The following RBFOX1 variants were observed in gnomAD, a reference collection of about 807,000 sequenced individuals.
RBFOX1 encodes RNA binding fox-1 homolog 1, also known as RNA binding protein fox-1 homolog 1.
In RBFOX1, 8 loss-of-function variants were observed where a neutral mutation model predicts 57.7. The observed-to-expected ratio is 0.14, with a 90% CI of 0.08 to 0.25. The LOEUF (loss-of-function observed/expected upper bound fraction) is 0.25, where lower values mean the gene tolerates loss of function less well. Among genes scored for constraint, RBFOX1 ranks in the 10% least tolerant of loss-of-function variants. The pLI is 1.00. For missense variants in RBFOX1, 611 were observed against 548.5 expected (o/e 1.11, Z -1.14); for synonymous variants, 326 against 222.4 (o/e 1.47, Z -4.15).
chr16:5,613,216 A>T (rs942070569), intron 3 of RBFOX1, among the ~76,000 whole-genome samples: 2 of 152,228 alleles, frequency 1.3e-5, no homozygotes, highest in Non-Finnish European at 2.9e-5. Context: ...TTCAGGCTTC[A>T]GAAGAACCTC....
At chr16:6,664,401 G>C (rs886125493) in intron 3 of RBFOX1, among the ~76,000 whole-genome samples, 1 of 152,128 alleles carries the variant, frequency 6.6e-6, no homozygotes, top group Non-Finnish European at 1.5e-5. Context: ...ACTATCTCTG[G>C]TCAAAGAAAT....
Position 6,591,049 on chromosome 16 carries a change from G to A in RBFOX1, c.-63-63554G>A, listed in dbSNP as rs75155245. On this transcript the variant is annotated intron_variant, in intron 2 of 15. Coordinates refer to ENST00000550418, the MANE Select transcript of RBFOX1 (RefSeq NM_018723.4). ...GCAAGATGTGGACAAGTATAATTGT[G>A]TGCTGGGCAGGATAGCTTATGTGTA... Among the ~76,000 whole-genome samples, 407 of 152,310 alleles carry A rather than the reference G, an allele frequency of 2.7e-3. 7 individuals are homozygous for A. The East Asian group carries it at 0.034, about 13-fold the overall frequency.
intron 1 of RBFOX1, among the ~76,000 whole-genome samples, chr16:6,205,094 C>G (rs902449073): frequency 6.6e-6 from 1 of 152,112 alleles, no homozygotes; most frequent in Admixed American, 6.5e-5. Flanking sequence ...AGCTCTGTCA[C>G]CAGGCCCTCT....
At chr16:7,563,635 T>C (rs1304366122) in intron 5 of RBFOX1, among the ~76,000 whole-genome samples, 1 of 152,054 alleles carries the variant, frequency 6.6e-6, no homozygotes, top group Non-Finnish European at 1.5e-5. Flanking sequence ...ACTTGGCTAA[T>C]TTTTTGTACT....
At chr16:6,000,223 T>G (rs774158480) in intron 4 of RBFOX1, among the ~76,000 whole-genome samples, 8 of 152,144 alleles carry the variant, frequency 5.3e-5, no homozygotes, top group South Asian at 4.1e-4. Context: ...CATGCCCCCC[T>G]GGTGCGATGC....
chr16:6,910,428 G>A (rs572779031), intron 3 of RBFOX1, among the ~76,000 whole-genome samples: 2 of 152,246 alleles, frequency 1.3e-5, no homozygotes, highest in Non-Finnish European at 2.9e-5. Context: ...CTGTCCCCAG[G>A]TTCAATGCTG....
At chr16:6,352,816 C>T (rs905039737) in intron 2 of RBFOX1, among the ~76,000 whole-genome samples, 3 of 152,202 alleles carry the variant, frequency 2.0e-5, no homozygotes, top group Non-Finnish European at 4.4e-5. Context: ...TCCAGGCAAT[C>T]ATGGTACAGT....
At chr16:7,237,955 C>G (rs149740048) in intron 4 of RBFOX1, among the ~76,000 whole-genome samples, 7 of 152,162 alleles carry the variant, frequency 4.6e-5, no homozygotes, top group African/African-American at 1.7e-4. Context: ...AGTGAGCCCA[C>G]GTCGCGTCCC....
At chr16:7,616,964 G>C (rs988713792) in intron 10 of RBFOX1, among the ~76,000 whole-genome samples, 3 of 150,640 alleles carry the variant, frequency 2.0e-5, no homozygotes, top group Non-Finnish European at 4.4e-5. Flanking sequence ...AGGCCTGCTA[G>C]AATCCACCCT....
At chr16:7,300,299 T>C (rs972276152) in intron 4 of RBFOX1, among the ~76,000 whole-genome samples, 6 of 152,068 alleles carry the variant, frequency 3.9e-5, no homozygotes, top group Admixed American at 3.9e-4. Context: ...ACCTGGGGGC[T>C]AGAACAGTGC....
intron 4 of RBFOX1, among the ~76,000 whole-genome samples, chr16:5,955,291 TAAAATAAAATAAAATAAAATAAA>T (rs2059605361): frequency 3.7e-4 from 7 of 19,158 alleles, no homozygotes; most frequent in African/African-American, 2.0e-3. Flanking sequence ...CCCAATAAAA[TAAAATAAAATAAAATAAAATAAA>T]ATAAAATAAA....
intron 4 of RBFOX1, among the ~76,000 whole-genome samples, chr16:7,211,892 G>A (rs1252299689): frequency 6.6e-6 from 1 of 152,116 alleles, no homozygotes; most frequent in Admixed American, 6.5e-5. Context: ...AATTAGAAAT[G>A]TGCTGGTCGG....
intron 3 of RBFOX1, chr16:6,774,014 G>T: frequency 1.0e-6 from 1 of 985,218 alleles, no homozygotes; most frequent in South Asian, 4.7e-5. Context: ...CAGAGACCAG[G>T]TAATCACAGT....
intron 4 of RBFOX1, among the ~76,000 whole-genome samples, chr16:7,156,721 C>G (rs1390183902): frequency 6.6e-6 from 1 of 151,972 alleles, no homozygotes; most frequent in Non-Finnish European, 1.5e-5. Context: ...TTAATGGATT[C>G]CTTATTGATG....
intron 1 of RBFOX1, among the ~76,000 whole-genome samples, chr16:5,381,829 C>G (rs577178940): frequency 2.0e-5 from 3 of 152,348 alleles, no homozygotes; most frequent in African/African-American, 7.2e-5. Context: ...AGGCTAAAAG[C>G]TCCCTCAAGG....
chr16:7,254,272 C>G (rs2094591958), intron 4 of RBFOX1, among the ~76,000 whole-genome samples: 1 of 152,174 alleles, frequency 6.6e-6, no homozygotes. Context: ...TTAACCACTC[C>G]ATAAAGAAAT....
intron 3 of RBFOX1, among the ~76,000 whole-genome samples, chr16:5,733,612 A>G (rs1233433492): frequency 1.3e-5 from 2 of 152,230 alleles, no homozygotes; most frequent in African/African-American, 2.4e-5. Flanking sequence ...CTAGTCCCCA[A>G]GGTGCCTCAT....
chr16:7,038,021 C>T (rs941483627), intron 3 of RBFOX1, among the ~76,000 whole-genome samples: 4 of 152,112 alleles, frequency 2.6e-5, no homozygotes, highest in African/African-American at 4.8e-5. Context: ...TTGAAAATGT[C>T]TTGAGAACAT....
At chr16:6,877,846 C>T (rs889036341) in intron 3 of RBFOX1, among the ~76,000 whole-genome samples, 1 of 152,104 alleles carries the variant, frequency 6.6e-6, no homozygotes, top group Non-Finnish European at 1.5e-5. Flanking sequence ...CTTCCTATCC[C>T]CAAAATACCC....
Sources: allele counts gnomAD v4.1 joint callset (sites outside exome capture counted in the v4.1 genomes callset), GRCh38; gene constraint gnomAD v4.1.1; transcripts MANE v1.5; gene names NCBI Gene and HGNC (gene_info 2026-07-23, HGNC 2026-07-21).